Variants in FRAS1 observed in about 807,000 individuals in gnomAD.
FRAS1 encodes the protein Fraser extracellular matrix complex subunit 1.
In FRAS1, 290 loss-of-function variants were observed where a neutral mutation model predicts 435.2. That is an observed-to-expected ratio of 0.67 (90% confidence interval 0.61 to 0.73). FRAS1 has a LOEUF of 0.73. Among genes scored for constraint, FRAS1 ranks in the 30% least tolerant of loss-of-function variants. The pLI, the probability that FRAS1 is intolerant of heterozygous loss-of-function variation, is 0.00. For missense variants in FRAS1, 4,860 were observed against 5,001.5 expected, an observed-to-expected ratio of 0.97 and a Z score of 0.85; for synonymous variants, 1,800 against 1,851.0, an observed-to-expected ratio of 0.97 and a Z score of 0.71.
chr4:78,275,934 C>T (rs796666292), intron 9 of FRAS1, among the ~76,000 whole-genome samples: 21 of 152,268 alleles, frequency 1.4e-4, no homozygotes, highest in South Asian at 8.3e-4. Flanking sequence ...CCATTCTCCC[C>T]GTCACTTTTA....
chr4:78,340,220 C>T (rs1379464419), intron 20 of FRAS1, among the ~76,000 whole-genome samples: 1 of 152,106 alleles, frequency 6.6e-6, no homozygotes, highest in African/African-American at 2.4e-5. Flanking sequence ...AGAGAAGGTC[C>T]TACCAAAATA....
chr4:78,418,178 G>A (rs1484332), intron 32 of FRAS1, among the ~76,000 whole-genome samples: 36,604 of 152,148 alleles, frequency 0.24, 4,741 homozygotes, highest in African/African-American at 0.32. Context: ...CTGAAAGCTG[G>A]AAGAGAAAAA....
intron 4 of FRAS1, 111 bp from the exon 5 acceptor site, chr4:78,252,281 C>A: frequency 9.3e-7 from 1 of 1,080,354 alleles, no homozygotes; most frequent in Non-Finnish European, 1.3e-6. Flanking sequence ...TTCCACCTTT[C>A]CCTGAGCTCC....
At chr4:78,326,012 A>C (rs964760619) in intron 18 of FRAS1, among the ~76,000 whole-genome samples, 3 of 152,218 alleles carry the variant, frequency 2.0e-5, no homozygotes, top group Non-Finnish European at 4.4e-5. Context: ...ATGACGCTGG[A>C]GATGCAGGGT....
intron 18 of FRAS1, among the ~76,000 whole-genome samples, chr4:78,327,622 A>G (rs948370610): frequency 6.6e-6 from 1 of 152,204 alleles, no homozygotes; most frequent in Non-Finnish European, 1.5e-5. Context: ...TCAGAAATAT[A>G]TGTACTTAGC....
chr4:78,347,090 C>T (rs1033924876), intron 20 of FRAS1, among the ~76,000 whole-genome samples: 1 of 152,138 alleles, frequency 6.6e-6, no homozygotes, highest in Non-Finnish European at 1.5e-5. Flanking sequence ...CAAAGAAAAC[C>T]CTTCATCTTC....
At chr4:78,117,753 A>G (rs911203003) in intron 2 of FRAS1, among the ~76,000 whole-genome samples, 1 of 152,204 alleles carries the variant, frequency 6.6e-6, no homozygotes, top group Non-Finnish European at 1.5e-5. Flanking sequence ...CAAGGTTTTT[A>G]ACTTCTTTGC....
chr4:78,506,659 G>C (rs536916188), intron 61 of FRAS1, among the ~76,000 whole-genome samples: 1 of 152,112 alleles, frequency 6.6e-6, no homozygotes. Context: ...AGTCTGTCAC[G>C]GCTTCCCTTG....
intron 17 of FRAS1, 111 bp downstream of exon 17, chr4:78,317,619 A>G (rs1729331379): frequency 1.2e-5 from 12 of 962,966 alleles, no homozygotes; most frequent in Non-Finnish European, 1.8e-5. Context: ...TGTATCTTTT[A>G]TGGCTATCCA....
chr4:78,375,896 A>C lies in FRAS1; in HGVS notation c.3292+17A>C. 1.9e-6 allele frequency: 3 copies of C among 1,613,392 alleles called. No homozygotes were observed. The highest frequency in any genetic ancestry group is 3.3e-5 in the Admixed American group (2 of 59,990). The stretch of plus-strand genomic sequence containing the variant: ...CATGTTCTGGTAAGTGCTTCTCCTC[A>C]GATGGTCTGGTGAATTTACCAATAA... On this transcript the variant is annotated intron_variant, in intron 26 of 73. Transcript: ENST00000512123.
chr4:78,411,117 CT>C (rs766072845), intron 31 of FRAS1, among the ~76,000 whole-genome samples: 1 of 145,544 alleles, frequency 6.9e-6, no homozygotes, highest in African/African-American at 2.5e-5. Context: ...GATTTTTTTT[CT>C]TTTTTTTTCT....
chr4:78,515,991 G>A lies in FRAS1; in HGVS notation c.10367G>A (p.Gly3456Asp), dbSNP rs1206436032. 1.2e-6 allele frequency: 2 copies of A among 1,613,362 alleles called. No individual in the cohort carries two copies. The highest frequency in any genetic ancestry group is 2.2e-5 in the East Asian group (1 of 44,822). The change falls in exon 66 of 74, where the codon GGC (glycine) becomes GAC (aspartate). Residue 3456 changes from glycine (G) to aspartate (D), a missense_variant. Transcript: ENST00000512123. ...DMTELIDVCG[G>D]SVTADFQVRD... ...ACTGAGCTGATTGACGTCTGTGGGG[G>A]CTCTGTAACCGCTGACTTCCAGGTA...
rs1334169713 is a variant in FRAS1, at chr4:78,209,819, A to C, written c.109-27691A>C. On this transcript the variant is annotated intron_variant, in intron 2 of 73. Transcript: ENST00000512123. ...TAATTAAAAGGAGTATTTGATCCCA[A>C]GTAAATCGTCAAGGAGGCTAATTTC... Among the ~76,000 whole-genome samples, 4 of 152,190 alleles carry C rather than the reference A, an allele frequency of 2.6e-5. No homozygotes were observed. In the East Asian group the frequency reaches 7.7e-4, roughly 29 times the overall value.
chr4:78,377,557 C>T (rs1478948895), intron 26 of FRAS1, among the ~76,000 whole-genome samples: 1 of 152,190 alleles, frequency 6.6e-6, no homozygotes, highest in Non-Finnish European at 1.5e-5. Context: ...TAAGAAATCC[C>T]TTTTTGTCCA....
chr4:78,084,686 C>G (rs902919687), intron 2 of FRAS1, among the ~76,000 whole-genome samples: 6 of 152,034 alleles, frequency 3.9e-5, no homozygotes, highest in African/African-American at 1.2e-4. Flanking sequence ...GTTCCGTCCT[C>G]TTCATACATT....
In FRAS1 at chr4:78,123,160, G is replaced by A. The variant is rs139514851; in HGVS notation, c.108+57144G>A. On this transcript the variant is annotated intron_variant, in intron 2 of 73. Transcript: ENST00000512123. ...TGTTCAGTTGATTTTTGTATAAGGT[G>A]TAAGGAAAGGGTCCAGTTTGAGTTT... Among the ~76,000 whole-genome samples the A allele has an allele frequency of 7.7e-4, 118 of 152,328 alleles. 1 individual carries two copies. In the East Asian group the frequency reaches 0.022, roughly 29 times the overall value.
chr4:78,149,959 G>A (rs1417984451), intron 2 of FRAS1, among the ~76,000 whole-genome samples: 1 of 152,208 alleles, frequency 6.6e-6, no homozygotes, highest in African/African-American at 2.4e-5. Flanking sequence ...GCTCCAAGAG[G>A]CAGTGGAGCG....
Position 78,145,892 on chromosome 4 carries a change from A to T in FRAS1, c.108+79876A>T, listed in dbSNP as rs1194232109. Among the ~76,000 whole-genome samples the T allele has an allele frequency of 2.6e-5, 4 of 152,114 alleles. No homozygotes were observed. The East Asian group carries it at 7.7e-4, about 29-fold the overall frequency. On this transcript the variant is annotated intron_variant, in intron 2 of 73. Coordinates refer to ENST00000512123, the MANE Select transcript of FRAS1 (RefSeq NM_025074.7). ...TTCTCACGAGGTCTGATGATTTTAT[A>T]AACATCTGGCTTTTCCCCTGCTGGT...
intron 2 of FRAS1, among the ~76,000 whole-genome samples, chr4:78,113,221 C>T (rs1371358636): frequency 1.3e-5 from 2 of 152,168 alleles, no homozygotes; most frequent in Non-Finnish European, 2.9e-5. Flanking sequence ...TTAATCCAGT[C>T]TATCATTGTT....
Sources: gnomAD v4.1 joint callset for allele counts (sites outside exome capture counted in the v4.1 genomes callset) on GRCh38, gnomAD v4.1.1 for gene constraint, MANE v1.5 for transcripts, NCBI Gene and HGNC (gene_info 2026-07-23, HGNC 2026-07-21) for gene names.